Variants in ZNF766 observed in about 807,000 individuals in gnomAD.
The protein encoded by ZNF766 is zinc finger protein 766.
ZNF766 carries 13 observed loss-of-function variants against 13.2 expected under a neutral mutation model. The observed-to-expected ratio is 0.98, with a 90% CI of 0.64 to 1.56. The LOEUF (loss-of-function observed/expected upper bound fraction) is 1.56. Among genes scored for constraint, ZNF766 ranks in the 40% most tolerant of loss-of-function variants. The pLI, the probability that ZNF766 is intolerant of heterozygous loss-of-function variation, is 0.00. For missense variants in ZNF766, 521 were observed against 552.2 expected (o/e 0.94, Z 0.57); for synonymous variants, 178 against 187.6 (o/e 0.95, Z 0.42).
At chr19:52,286,159 G>A (rs73577189) in intron 3 of ZNF766, among the ~76,000 whole-genome samples, 8,711 of 139,792 alleles carry the variant, frequency 0.062, 536 homozygotes, top group African/African-American at 0.17. Flanking sequence ...AAAAAAAAAA[G>A]AAAGAAAGAA....
intron 1 of ZNF766, chr19:52,275,565 C>T (rs1306209139): frequency 6.6e-6 from 1 of 152,202 alleles, no homozygotes; most frequent in East Asian, 1.9e-4. Flanking sequence ...ATCACTCACT[C>T]ACTCACCCAC....
intron 1 of ZNF766, chr19:52,277,107 A>G: frequency 2.0e-6 from 2 of 1,013,978 alleles, no homozygotes; most frequent in Non-Finnish European, 2.4e-6. Flanking sequence ...GCACAGGAAG[A>G]AAGTATGTTG....
Position 52,293,537 on chromosome 19 carries a change from T to G in ZNF766, c.*2339T>G, listed in dbSNP as rs1982238790. 1 of 152,200 alleles carries G rather than the reference T, an allele frequency of 6.6e-6. No homozygotes were observed. The highest frequency in any genetic ancestry group is 2.1e-4 in the South Asian group (1 of 4,840). The allele number at this position is 152,200 out of a possible 1,614,324, so 9.4% of individuals were successfully genotyped here. A position where few individuals can be genotyped will look rare whatever the true frequency, so the allele number is the denominator to read the frequency against. On this transcript the variant is annotated 3_prime_UTR_variant, in exon 4 of 4. Coordinates refer to ENST00000439461, the MANE Select transcript of ZNF766 (RefSeq NM_001010851.3). ...GTGTGAAATGAAATGACATGCACTT[T>G]TGGGTATATACACTTGGGTAAGTAT... is the stretch of plus-strand genomic sequence containing the variant.
chr19:52,286,732 A>G (rs8103336), intron 3 of ZNF766, among the ~76,000 whole-genome samples: 12,981 of 152,242 alleles, frequency 0.085, 1,223 homozygotes, highest in African/African-American at 0.23. Context: ...AATAAATCTT[A>G]CTTGGTCATG....
chr19:52,277,182 G>C, intron 1 of ZNF766: 1 of 1,143,342 alleles, frequency 8.7e-7, no homozygotes, highest in Non-Finnish European at 1.1e-6. Context: ...CATGTTGGCC[G>C]GGCGCGGGGG....
In ZNF766 at chr19:52,291,733, A is replaced by G. The variant is rs369425968; in HGVS notation, c.*535A>G. On this transcript the variant is annotated 3_prime_UTR_variant, in exon 4 of 4. Transcript: ENST00000439461. ...GCTGAGATCGCGCCACTGCACTCCA[A>G]CCTGGGTGACAGAGCGAGACTCCGT... 2.5e-3 allele frequency: 403 copies of G among 161,800 alleles called. 2 individuals carry two copies. The highest frequency in any genetic ancestry group is 9.5e-3 in the African/African-American group (394 of 41,638). The allele number at this position is 161,800 out of a possible 1,614,324, so 10.0% of individuals were successfully genotyped here.
At chr19:52,269,890 C>T (rs1019896694) in intron 1 of ZNF766, among the ~76,000 whole-genome samples, 1 of 152,198 alleles carries the variant, frequency 6.6e-6, no homozygotes, top group Non-Finnish European at 1.5e-5. Context: ...TCCGCCAGCC[C>T]CGCGCCACGT....
chr19:52,289,776 G>A (rs995895588), intron 3 of ZNF766, among the ~76,000 whole-genome samples: 8 of 152,060 alleles, frequency 5.3e-5, no homozygotes, highest in South Asian at 2.1e-4. Flanking sequence ...CACGGCGGGC[G>A]GATCACGAGG....
rs1982278842 is a variant in ZNF766, at chr19:52,294,755, A to T, written c.*3557A>T. On this transcript the variant is annotated 3_prime_UTR_variant, in exon 4 of 4. Coordinates refer to ENST00000439461, the MANE Select transcript of ZNF766 (RefSeq NM_001010851.3). The stretch of plus-strand genomic sequence containing the variant: ...CTAGCTTCCTCTGGAAGCTCCTGCC[A>T]TCTTGGTTAGGAAAGACTCTGATTT... 1 of 152,082 alleles carries T rather than the reference A, an allele frequency of 6.6e-6. No individual in the cohort carries two copies. The highest frequency in any genetic ancestry group is 1.9e-4 in the East Asian group (1 of 5,178). The allele number at this position is 152,082 out of a possible 1,614,324, so 9.4% of individuals were successfully genotyped here.
At chr19:52,285,614 C>T (rs1337590838) in intron 3 of ZNF766, among the ~76,000 whole-genome samples, 1 of 152,232 alleles carries the variant, frequency 6.6e-6, no homozygotes, top group Non-Finnish European at 1.5e-5. Flanking sequence ...GGGCGTGCCA[C>T]TCTCCAGGAA....
chr19:52,285,466 G>A (rs765647334), intron 3 of ZNF766, among the ~76,000 whole-genome samples: 15 of 152,194 alleles, frequency 9.9e-5, no homozygotes, highest in Non-Finnish European at 1.5e-4. Context: ...GGCCCAATTA[G>A]TTTGCTAGAG....
rs188073888 is a variant in ZNF766 at position 52,272,106 on chromosome 19, C to T, written c.18+2475C>T. On this transcript the variant is annotated intron_variant, in intron 1 of 3. Transcript: ENST00000439461. ...TAGTGAGTACCCCTCTTCAACGCTC[C>T]ATTTGAGAACACAGTACACTAAAAT... 4.7e-3 allele frequency among the ~76,000 whole-genome samples: 712 copies of T among 152,146 alleles called. 4 individuals are homozygous for T. Among genetic ancestry groups the T allele is most frequent in the African/African-American group, 0.016 (670 of 41,522 alleles).
At chr19:52,281,844 C>T (rs780770555) in intron 1 of ZNF766, 3 of 534,584 alleles carry the variant, frequency 5.6e-6, no homozygotes, top group African/African-American at 1.9e-5. Flanking sequence ...AAGTAGTTGG[C>T]GTCTTCAGAG....
At position 52,290,121 on chromosome 19, in the gene ZNF766, T is replaced by C. The variant is rs367924347; in HGVS notation, c.330T>C (p.Leu110=). The C allele has an allele frequency of 1.2e-6, 2 of 1,613,996 alleles. No homozygotes were observed. Among genetic ancestry groups the C allele is most frequent in the Non-Finnish European group, 8.5e-7 (1 of 1,179,944 alleles). ...GAAACAAGCCTATTACAAATCAACTTGGATTAACCTTTCAGTTACCTCTGC... is the reference window on the plus strand; with the variant it reads ...GAAACAAGCCTATTACAAATCAACTCGGATTAACCTTTCAGTTACCTCTGC... ...KAGNKPITNQ[L]GLTFQLPLPE... is the part of the protein sequence containing the mutation. Residue 110 remains leucine, a synonymous_variant, in exon 4 of 4, where the codon CTT becomes CTC. Coordinates refer to ENST00000439461, the MANE Select transcript of ZNF766 (RefSeq NM_001010851.3).
chr19:52,282,146 C>A lies in ZNF766; in HGVS notation c.54C>A (p.Phe18Leu). Reference protein sequence around the residue: ...HLTFRDVAIEFSQEEWKCLDP... With the variant: ...HLTFRDVAIELSQEEWKCLDP... ...CATTCAGGGACGTGGCCATAGAATT[C>A]TCTCAGGAGGAGTGGAAATGCCTGG... The change falls in exon 2 of 4, where the codon TTC becomes TTA. Residue 18 changes from phenylalanine to leucine, a missense_variant. Phe to Leu is a conservative substitution (Grantham distance 22). Transcript: ENST00000439461. The A allele has an allele frequency of 1.2e-6, 2 of 1,605,276 alleles. No homozygotes were observed. The highest frequency in any genetic ancestry group is 1.7e-6 in the Non-Finnish European group (2 of 1,174,312).
intron 1 of ZNF766, chr19:52,277,616 T>C: frequency 6.8e-7 from 1 of 1,472,892 alleles, no homozygotes; most frequent in South Asian, 1.2e-5. Flanking sequence ...GTTGAGAATC[T>C]TCTCTGAGTC....
Position 52,281,010 on chromosome 19 carries a change from C to T in ZNF766, c.19-1101C>T, listed in dbSNP as rs1045274988. Among the ~76,000 whole-genome samples, 11 of 151,636 alleles carry T rather than the reference C, an allele frequency of 7.3e-5. 1 individual carries two copies. Among genetic ancestry groups the T allele is most frequent in the Admixed American group, 2.0e-4 (3 of 15,224 alleles). ...ATTTGTACTAAAAATACAAAATTAG[C>T]TGGGTGTGGTGGCACATACCTGTAA... On this transcript the variant is annotated intron_variant, in intron 1 of 3. Coordinates refer to ENST00000439461, the MANE Select transcript of ZNF766 (RefSeq NM_001010851.3).
At chr19:52,284,906 G>A (rs574232328) in intron 3 of ZNF766, 246 of 152,204 alleles carry the variant, frequency 1.6e-3, no homozygotes, top group Non-Finnish European at 2.9e-3. Context: ...GAGGCCCACC[G>A]CACGTGTTCA....
intron 1 of ZNF766, among the ~76,000 whole-genome samples, chr19:52,276,721 T>A (rs1981219728): frequency 6.6e-6 from 1 of 152,104 alleles, no homozygotes; most frequent in Non-Finnish European, 1.5e-5. Context: ...TCACTCAGGG[T>A]TTTGCAACGT....
Sources: allele counts gnomAD v4.1 joint callset (sites outside exome capture counted in the v4.1 genomes callset), GRCh38; gene constraint gnomAD v4.1.1; transcripts MANE v1.5; gene names NCBI Gene and HGNC (gene_info 2026-07-23, HGNC 2026-07-21).